CDYL: variants seen among roughly 807,000 people sequenced by gnomAD.
CDYL encodes chromodomain Y like, also known as chromodomain Y-like protein.
CDYL carries 8 observed loss-of-function variants against 47.3 expected under a neutral mutation model. That is an observed-to-expected ratio of 0.17 (90% CI 0.10 to 0.31). The LOEUF (loss-of-function observed/expected upper bound fraction) is 0.31. Among genes scored for constraint, CDYL ranks in the 10% least tolerant of loss-of-function variants. The pLI, the probability that CDYL is intolerant of heterozygous loss-of-function variation, is 1.00. For synonymous variants in CDYL, 266 were observed against 265.0 expected (o/e 1.00, Z -0.04); for missense variants, 471 against 701.4 (o/e 0.67, Z 3.71).
chr6:4,913,835 A>C (rs78768296), intron 2 of CDYL, among the ~76,000 whole-genome samples: 5,167 of 152,354 alleles, frequency 0.034, 97 homozygotes, highest in Middle Eastern at 0.082. Flanking sequence ...TGGCTTACAA[A>C]ACTTTATTCA....
intron 3 of CDYL, among the ~76,000 whole-genome samples, chr6:4,737,808 A>C (rs969511581): frequency 6.6e-6 from 1 of 152,050 alleles, no homozygotes; most frequent in Admixed American, 6.5e-5. Flanking sequence ...TACAGGTGTG[A>C]GCCATCGCAC....
chr6:4,762,868 G>A (rs1030453322), intron 3 of CDYL, among the ~76,000 whole-genome samples: 19 of 152,116 alleles, frequency 1.2e-4, no homozygotes, highest in African/African-American at 4.3e-4. Context: ...TGAGGTAGCA[G>A]CAATAATAAG....
At chr6:4,717,508 C>G (rs1757286860) in intron 2 of CDYL, among the ~76,000 whole-genome samples, 1 of 151,410 alleles carries the variant, frequency 6.6e-6, no homozygotes, top group Admixed American at 6.6e-5. Context: ...AACAGCCTGG[C>G]CAACAATGTG....
At chr6:4,876,190 A>G (rs1189870358) in intron 1 of CDYL, among the ~76,000 whole-genome samples, 1 of 152,164 alleles carries the variant, frequency 6.6e-6, no homozygotes. Flanking sequence ...TTTTAAATGG[A>G]ATCATATTAC....
At chr6:4,925,792 G>A (rs1757856246) in intron 2 of CDYL, among the ~76,000 whole-genome samples, 1 of 152,048 alleles carries the variant, frequency 6.6e-6, no homozygotes, top group Admixed American at 6.6e-5. Flanking sequence ...CTAGGAGGTC[G>A]GGCGCATATC....
intron 2 of CDYL, among the ~76,000 whole-genome samples, chr6:4,926,939 T>C (rs1300188527): frequency 6.6e-6 from 1 of 152,348 alleles, no homozygotes; most frequent in East Asian, 1.9e-4. Flanking sequence ...TCCGATTTTA[T>C]GCTTAGGAGC....
chr6:4,790,303 A>G (rs1212664843), intron 1 of CDYL, among the ~76,000 whole-genome samples: 1 of 152,226 alleles, frequency 6.6e-6, no homozygotes, highest in Non-Finnish European at 1.5e-5. Context: ...GGGACTTAAT[A>G]CTATGTGTAA....
At chr6:4,835,423 C>T (rs1760270564) in intron 1 of CDYL, among the ~76,000 whole-genome samples, 1 of 152,170 alleles carries the variant, frequency 6.6e-6, no homozygotes, top group Admixed American at 6.5e-5. Context: ...TCTGATCGTT[C>T]CCCTGGAAGT....
intron 2 of CDYL, among the ~76,000 whole-genome samples, chr6:4,728,765 C>T (rs768093406): frequency 6.6e-6 from 1 of 152,152 alleles, no homozygotes; most frequent in African/African-American, 2.4e-5. Context: ...TCCTTCAAAG[C>T]GATGTCATGG....
At chr6:4,858,569 G>A (rs1019382755) in intron 1 of CDYL, among the ~76,000 whole-genome samples, 11 of 152,230 alleles carry the variant, frequency 7.2e-5, no homozygotes, top group African/African-American at 2.2e-4. Context: ...ACCCTGGCCA[G>A]CCTGTCTGGG....
At chr6:4,941,983 A>G (rs1302456049) in intron 4 of CDYL, among the ~76,000 whole-genome samples, 2 of 152,194 alleles carry the variant, frequency 1.3e-5, no homozygotes, top group Non-Finnish European at 2.9e-5. Flanking sequence ...GGCCTAGGAA[A>G]TGTATTTCCA....
chr6:4,834,397 T>C (rs1203967716), intron 1 of CDYL, among the ~76,000 whole-genome samples: 1 of 149,762 alleles, frequency 6.7e-6, no homozygotes, highest in South Asian at 2.2e-4. Flanking sequence ...TGTTGAATAT[T>C]GGCCCCCACT....
At chr6:4,728,884 A>G (rs1327072035) in intron 2 of CDYL, among the ~76,000 whole-genome samples, 2 of 152,060 alleles carry the variant, frequency 1.3e-5, no homozygotes, top group Non-Finnish European at 2.9e-5. Flanking sequence ...AGCTTTAACT[A>G]TTTGCACAGT....
intron 3 of CDYL, among the ~76,000 whole-genome samples, chr6:4,745,556 A>G (rs1420983880): frequency 6.7e-6 from 1 of 150,140 alleles, no homozygotes; most frequent in Non-Finnish European, 1.5e-5. Flanking sequence ...AGCCTGGCCA[A>G]CATAGTGAAA....
intron 1 of CDYL, among the ~76,000 whole-genome samples, chr6:4,783,840 G>A (rs926786510): frequency 6.6e-6 from 1 of 152,030 alleles, no homozygotes; most frequent in Non-Finnish European, 1.5e-5. Context: ...TGTATTTTGT[G>A]TGATTTTTTA....
intron 1 of CDYL, among the ~76,000 whole-genome samples, chr6:4,827,489 A>G (rs1760011376): frequency 2.0e-5 from 3 of 152,168 alleles, no homozygotes; most frequent in Admixed American, 1.3e-4. Context: ...TGGGAATTAT[A>G]TGTAATATCC....
intron 1 of CDYL, among the ~76,000 whole-genome samples, chr6:4,706,921 A>G (rs1161912542): frequency 2.0e-5 from 3 of 152,216 alleles, no homozygotes; most frequent in Non-Finnish European, 2.9e-5. Flanking sequence ...GACTCGCCAA[A>G]AGCTTTTGTG....
chr6:4,853,307 T>G (rs1221686520), intron 1 of CDYL, among the ~76,000 whole-genome samples: 1 of 151,834 alleles, frequency 6.6e-6, no homozygotes, highest in African/African-American at 2.4e-5. Context: ...GATATTTTTA[T>G]TTTTCCCGGT....
At chr6:4,778,966 C>T (rs1007123659) in intron 1 of CDYL, among the ~76,000 whole-genome samples, 1 of 152,100 alleles carries the variant, frequency 6.6e-6, no homozygotes, top group Non-Finnish European at 1.5e-5. Context: ...TCAGTGTTTC[C>T]CTTATAGAGC....
Sources: allele counts gnomAD v4.1 joint callset (sites outside exome capture counted in the v4.1 genomes callset), GRCh38; gene constraint gnomAD v4.1.1; transcripts MANE v1.5; gene names NCBI Gene and HGNC (gene_info 2026-07-23, HGNC 2026-07-21).